SLC4A4: variants seen among roughly 807,000 people sequenced by gnomAD.
The protein encoded by SLC4A4 is electrogenic sodium bicarbonate cotransporter 1.
SLC4A4 carries 27 observed loss-of-function variants against 111.5 expected under a neutral mutation model. That is an observed-to-expected ratio of 0.24 (90% CI 0.18 to 0.33). The LOEUF (loss-of-function observed/expected upper bound fraction) is 0.33. SLC4A4 is among the 10% of genes least tolerant of loss of function. SLC4A4 has a pLI of 1.00. For synonymous variants in SLC4A4, 443 were observed against 463.4 expected (o/e 0.96, Z 0.57); for missense variants, 909 against 1,315.5 (o/e 0.69, Z 4.78).
chr4:71,375,583 C>T (rs1732273965), intron 6 of SLC4A4, among the ~76,000 whole-genome samples: 2 of 152,184 alleles, frequency 1.3e-5, no homozygotes, highest in African/African-American at 4.8e-5. Flanking sequence ...TGAGACTCCT[C>T]ACATGACATT....
chr4:71,139,554 A>G (rs1194764021), intron 2 of SLC4A4, among the ~76,000 whole-genome samples: 9 of 152,236 alleles, frequency 5.9e-5, no homozygotes, highest in Non-Finnish European at 7.4e-5. Flanking sequence ...AGCCCTGCCC[A>G]TGTTCCTGGC....
chr4:71,170,325 A>G (rs909265138), intron 2 of SLC4A4, among the ~76,000 whole-genome samples: 3 of 152,202 alleles, frequency 2.0e-5, no homozygotes, highest in Admixed American at 6.5e-5. Flanking sequence ...CTTGTGTATA[A>G]TAGGCATTCC....
intron 2 of SLC4A4, among the ~76,000 whole-genome samples, chr4:71,102,155 G>A (rs1325021051): frequency 3.3e-5 from 5 of 152,008 alleles, no homozygotes; most frequent in Admixed American, 1.3e-4. Context: ...GCGATCAACT[G>A]GAAGAAAGGG....
At chr4:71,441,928 C>T (rs1724756162) in intron 8 of SLC4A4, among the ~76,000 whole-genome samples, 1 of 152,186 alleles carries the variant, frequency 6.6e-6, no homozygotes, top group Non-Finnish European at 1.5e-5. Context: ...TGTAACGTAG[C>T]TTTTTGCTTG....
chr4:71,111,817 C>A (rs866693630), intron 2 of SLC4A4, among the ~76,000 whole-genome samples: 1 of 151,910 alleles, frequency 6.6e-6, no homozygotes, highest in South Asian at 2.1e-4. Flanking sequence ...CTGCCTCAGC[C>A]TCCCGAGTAG....
intron 2 of SLC4A4, among the ~76,000 whole-genome samples, chr4:71,121,265 T>C (rs1379598885): frequency 6.7e-6 from 1 of 148,938 alleles, no homozygotes; most frequent in African/African-American, 2.5e-5. Context: ...GACTCCCCAA[T>C]GGGCACTGCC....
intron 2 of SLC4A4, among the ~76,000 whole-genome samples, chr4:71,114,475 A>C (rs1387179296): frequency 3.3e-5 from 5 of 149,830 alleles, no homozygotes; most frequent in African/African-American, 1.2e-4. Context: ...CAATGAACTC[A>C]AACAAATTTA....
At chr4:71,262,987 A>G (rs1458185724) in intron 3 of SLC4A4, among the ~76,000 whole-genome samples, 3 of 149,100 alleles carry the variant, frequency 2.0e-5, no homozygotes, top group Non-Finnish European at 3.0e-5. Flanking sequence ...AACATTAGCT[A>G]TATCTCCTAA....
In SLC4A4 at chr4:71,363,248, T is replaced by A. The variant is rs1578923561; in HGVS notation, c.730+6061T>A. On this transcript the variant is annotated intron_variant, in intron 6 of 25. Transcript: ENST00000264485. ...TTTTATGTTAATAGTAATTTTAGGC[T>A]CCAGTGAAATATAAGTGATATTAGT... is the stretch of plus-strand genomic sequence containing the variant. Among the ~76,000 whole-genome samples the A allele has an allele frequency of 3.9e-5, 6 of 152,322 alleles. 1 individual carries two copies. The highest frequency in any genetic ancestry group is 3.9e-4 in the Admixed American group (6 of 15,296).
At chr4:71,439,573 C>A (rs1418689312) in intron 7 of SLC4A4, among the ~76,000 whole-genome samples, 1 of 150,378 alleles carries the variant, frequency 6.6e-6, no homozygotes, top group Admixed American at 6.6e-5. Context: ...AACTGATTCA[C>A]TCTCCTTATT....
At chr4:71,179,249 T>C (rs1745203799) in intron 2 of SLC4A4, among the ~76,000 whole-genome samples, 1 of 152,270 alleles carries the variant, frequency 6.6e-6, no homozygotes, top group Non-Finnish European at 1.5e-5. Context: ...GCCAATATCA[T>C]ACTGAATGGG....
intron 2 of SLC4A4, among the ~76,000 whole-genome samples, chr4:71,148,138 T>G (rs1744228324): frequency 6.6e-6 from 1 of 152,200 alleles, no homozygotes; most frequent in Non-Finnish European, 1.5e-5. Flanking sequence ...GTTCCATCTT[T>G]CTTCTCTGCT....
chr4:71,122,719 T>A (rs891674307), intron 2 of SLC4A4, among the ~76,000 whole-genome samples: 3 of 152,180 alleles, frequency 2.0e-5, no homozygotes, highest in Non-Finnish European at 2.9e-5. Flanking sequence ...GGCTTCCACA[T>A]GCTGGCCGTA....
At chr4:71,102,651 T>A (rs1387193942) in intron 2 of SLC4A4, among the ~76,000 whole-genome samples, 1 of 150,622 alleles carries the variant, frequency 6.6e-6, no homozygotes, top group Non-Finnish European at 1.5e-5. Flanking sequence ...CAACCCAGAA[T>A]TTCATATCCA....
intron 15 of SLC4A4, among the ~76,000 whole-genome samples, chr4:71,488,051 G>T (rs111471806): frequency 1.3e-4 from 20 of 151,298 alleles, no homozygotes; most frequent in African/African-American, 4.8e-4. Flanking sequence ...AAAAGGTCTT[G>T]CCTAAATACA....
intron 4 of SLC4A4, among the ~76,000 whole-genome samples, chr4:71,347,771 TAAGAAGG>T (rs998246751): frequency 1.3e-5 from 2 of 152,140 alleles, no homozygotes; most frequent in African/African-American, 4.8e-5. Context: ...TTAGGAAAGA[TAAGAAGG>T]AAGTAAAGGC....
intron 5 of SLC4A4, among the ~76,000 whole-genome samples, chr4:71,356,364 A>T (rs942670489): frequency 6.6e-6 from 1 of 152,174 alleles, no homozygotes; most frequent in Non-Finnish European, 1.5e-5. Context: ...GTCAGTTTAT[A>T]CTTTAAAATG....
intron 3 of SLC4A4, among the ~76,000 whole-genome samples, chr4:71,298,016 T>A (rs1578781171): frequency 6.6e-6 from 1 of 152,254 alleles, no homozygotes; most frequent in Non-Finnish European, 1.5e-5. Flanking sequence ...CACTTAATAG[T>A]ACTGTGACCT....
At chr4:71,556,525 A>C (rs944018164) in intron 21 of SLC4A4, among the ~76,000 whole-genome samples, 1 of 152,008 alleles carries the variant, frequency 6.6e-6, no homozygotes, top group African/African-American at 2.4e-5. Flanking sequence ...ATTAAAAAGA[A>C]GAAAAAATCA....
Sources: gnomAD v4.1 joint callset for allele counts (sites outside exome capture counted in the v4.1 genomes callset) on GRCh38, gnomAD v4.1.1 for gene constraint, MANE v1.5 for transcripts, NCBI Gene and HGNC (gene_info 2026-07-23, HGNC 2026-07-21) for gene names.